Variants in HSPG2 observed in about 807,000 individuals in gnomAD.
The protein encoded by HSPG2 is basement membrane-specific heparan sulfate proteoglycan core protein.
HSPG2 carries 278 observed loss-of-function variants against 526.6 expected under a neutral mutation model. That is an observed-to-expected ratio of 0.53 (90% CI 0.48 to 0.58). HSPG2 has a LOEUF of 0.58. HSPG2 is among the 20% of genes least tolerant of loss of function. HSPG2 has a pLI of 0.00. For synonymous variants in HSPG2, 2,465 were observed against 2,555.4 expected, an observed-to-expected ratio of 0.96 and a Z score of 1.07; for missense variants, 5,354 against 6,099.5, an observed-to-expected ratio of 0.88 and a Z score of 4.07.
Position 21,865,177 on chromosome 1 carries a change from C to T in HSPG2, c.4396-104G>A. 6.6e-7 allele frequency: 1 copy of T among 1,514,914 alleles called. No individual in the cohort carries two copies. The highest frequency in any genetic ancestry group is 9.2e-7 in the Non-Finnish European group (1 of 1,090,452). 93.8% of individuals were successfully genotyped at this position (1,514,914 alleles called of 1,614,324 possible). ...CCTTACAGGCACTGACTGAGGGCTG[C>T]CAGGTGAAGGTTGGGGAGCGAGAGA... On this transcript the variant is annotated intron_variant, in intron 35 of 96. Transcript: ENST00000374695. The surrounding 1 kb of genome is among the most constrained non-coding windows in gnomAD (Gnocchi z 5.4).
Position 21,874,387 on chromosome 1 carries a change from AGGCAG to A in HSPG2, c.3656+14_3656+18del, listed in dbSNP as rs770897703. ...AGACATTTCAGGGAAGGGCAGGTGC[AGGCAG>A]GGACTGGACGCACTGGCCGGCAGCA... is the stretch of plus-strand genomic sequence containing the variant. On this transcript the variant is annotated intron_variant, in intron 28 of 96. Transcript: ENST00000374695. 1 of 1,611,044 alleles carries A rather than the reference AGGCAG, an allele frequency of 6.2e-7. No homozygotes were observed. Among genetic ancestry groups the A allele is most frequent in the Non-Finnish European group, 8.5e-7 (1 of 1,179,464 alleles).
chr1:21,934,403 C>T (rs181026029), intron 1 of HSPG2, among the ~76,000 whole-genome samples: 1 of 152,326 alleles, frequency 6.6e-6, no homozygotes, highest in East Asian at 1.9e-4. Context: ...AACTAAGGCT[C>T]AGAGAGAGGA....
chr1:21,833,634 G>A lies in HSPG2; in HGVS notation c.10831-20C>T, dbSNP rs1354245643. 1.2e-6 allele frequency: 2 copies of A among 1,613,918 alleles called. No individual in the cohort carries two copies. Among genetic ancestry groups the A allele is most frequent in the East Asian group, 2.2e-5 (1 of 44,890 alleles). Reference sequence around the variant, plus strand: ...ATCCAGCTGCAAATGCACTAGCACTGAGGGCCCTGGCCTTGGCCCACGGCT... The same window carrying A: ...ATCCAGCTGCAAATGCACTAGCACTAAGGGCCCTGGCCTTGGCCCACGGCT... On this transcript the variant is annotated intron_variant, in intron 78 of 96. Transcript: ENST00000374695.
At chr1:21,929,394 A>G (rs1194508875) in intron 1 of HSPG2, among the ~76,000 whole-genome samples, 1 of 150,014 alleles carries the variant, frequency 6.7e-6, no homozygotes, top group Non-Finnish European at 1.5e-5. Flanking sequence ...CCCCTCCATC[A>G]CTTGCCATTC....
rs961743934 is a variant in HSPG2 at position 21,937,269 on chromosome 1, CGCCGCCCGCA to C, written c.-62_-53del. ...CGCTCGCTCCGCGCCGCCCGCTCCG[CGCCGCCCGCA>C]GCCGCCCGCTCGCCGGCCAGCTCGG... On this transcript the variant is annotated 5_prime_UTR_variant, in exon 1 of 97. Transcript: ENST00000374695. The C allele has an allele frequency of 2.1e-5, 15 of 720,506 alleles. No individual in the cohort carries two copies. The African/African-American group carries it at 2.2e-4, about 10-fold the overall frequency. 44.6% of individuals were successfully genotyped at this position (720,506 alleles called of 1,614,324 possible).
chr1:21,882,948 A>G (rs1386280998), intron 13 of HSPG2, among the ~76,000 whole-genome samples: 1 of 151,962 alleles, frequency 6.6e-6, no homozygotes, highest in Non-Finnish European at 1.5e-5. Context: ...AGGTTACTCA[A>G]TCCTCTTTCC....
rs1638614766 is a variant in HSPG2 at position 21,848,310 on chromosome 1, G to A, written c.7738-217C>T. ...TCCAGAAAGCCTGTTAAGGCCCTCC[G>A]GAGTGTTGACACAGTATCCTGCTGG... is the stretch of plus-strand genomic sequence containing the variant. On this transcript the variant is annotated intron_variant, in intron 59 of 96. Transcript: ENST00000374695. This position sits in a 1 kb window ranked among gnomAD's most constrained non-coding sequence, Gnocchi z 4.9. 1.3e-5 allele frequency among the ~76,000 whole-genome samples: 2 copies of A among 152,256 alleles called. No individual in the cohort carries two copies. The highest frequency in any genetic ancestry group is 3.4e-3 in the Middle Eastern group (1 of 294).
Position 21,890,759 on chromosome 1 carries a change from G to T in HSPG2, c.245-65C>A. 1 of 1,221,672 alleles carries T rather than the reference G, an allele frequency of 8.2e-7. No homozygotes were observed. The highest frequency in any genetic ancestry group is 1.2e-6 in the Non-Finnish European group (1 of 835,378). The allele number at this position is 1,221,672 out of a possible 1,614,324, so 75.7% of individuals were successfully genotyped here. A position where few individuals can be genotyped will look rare whatever the true frequency, so the allele number is the denominator to read the frequency against. On this transcript the variant is annotated intron_variant, in intron 3 of 96. Transcript: ENST00000374695. The surrounding 1 kb of genome is among the most constrained non-coding windows in gnomAD (Gnocchi z 4.1). ...TGGCATCTAGTGGCCTTAGGCAGTT[G>T]GACCATTCAGGCAGAGTTGGGGGGA...
chr1:21,934,945 C>T (rs1325156765), intron 1 of HSPG2, among the ~76,000 whole-genome samples: 1 of 148,928 alleles, frequency 6.7e-6, no homozygotes, highest in South Asian at 2.1e-4. Context: ...CTCACTCTGT[C>T]ACCCAGGCTG....
At chr1:21,855,139 G>A (rs1324186692) in intron 47 of HSPG2, among the ~76,000 whole-genome samples, 156 bp from the exon 48 acceptor site, 1 of 152,138 alleles carries the variant, frequency 6.6e-6, no homozygotes, top group South Asian at 2.1e-4. Context: ...CCAAGAGGAC[G>A]GCAGGGGCTC....
intron 90 of HSPG2, 34 bp downstream of exon 90, chr1:21,827,996 A>G: frequency 6.2e-7 from 1 of 1,613,312 alleles, no homozygotes; most frequent in Non-Finnish European, 8.5e-7. Context: ...GCCCCAAGAC[A>G]GAGATGAAGT....
chr1:21,836,808 AC>A lies in HSPG2; in HGVS notation c.10348del (p.Val3450CysfsTer71). The A allele has an allele frequency of 1.3e-6, 2 of 1,561,722 alleles. No individual in the cohort carries two copies. Among genetic ancestry groups the A allele is most frequent in the Non-Finnish European group, 8.6e-7 (1 of 1,157,362 alleles). On this transcript the variant is annotated frameshift_variant, in exon 75 of 97. Transcript: ENST00000374695. LOFTEE classifies it high-confidence loss of function. ...TGCCCCCGGCCCCACTCACCGGAGC[AC>A]CCCATCCTGCACGCTGTGACCCGGA... Reference protein sequence around the residue: ...LPPGHSVQDGVLRIQNLDQSC... With the variant: ...LPPGHSVQDGXLRIQNLDQSC...
rs763503418 is a variant in HSPG2, at chr1:21,833,884, C to A, written c.10762G>T (p.Ala3588Ser). 4 of 1,601,302 alleles carry A rather than the reference C, an allele frequency of 2.5e-6. No individual in the cohort carries two copies. The South Asian group carries it at 4.5e-5, about 18-fold the overall frequency. The part of the protein sequence containing the change: ...ISMPQEVRVP[A>S]GSAAVFPCIA... The stretch of plus-strand genomic sequence containing the variant: ...CAGGGGAAGACAGCTGCAGAACCAG[C>A]AGGCACACGGACTTCTTGGGGCATT... Residue 3588 changes from alanine to serine, a missense_variant, in exon 78 of 97, where the codon GCT (alanine) becomes TCT (serine). By Grantham distance (99) the Ala-to-Ser change is moderately conservative. Coordinates refer to ENST00000374695, the MANE Select transcript of HSPG2 (RefSeq NM_005529.7).
In HSPG2 at chr1:21,836,956, T is replaced by C; in HGVS notation, c.10201A>G (p.Thr3401Ala). The change falls in exon 75 of 97, where the codon ACC becomes GCC. Residue 3401 changes from threonine to alanine, a missense_variant. Thr to Ala is a moderately conservative substitution (Grantham distance 58). Coordinates refer to ENST00000374695, the MANE Select transcript of HSPG2 (RefSeq NM_005529.7). ...ATSIPAGSTP[T>A]VQVTPQLETK... is the part of the protein sequence containing the mutation. ...TCTAGCTGAGGCGTGACCTGCACGG[T>C]GGGCGTGGACCCTGCTGGGATGGAG... is the stretch of plus-strand genomic sequence containing the variant. 1 of 1,555,418 alleles carries C rather than the reference T, an allele frequency of 6.4e-7. No homozygotes were observed. The highest frequency in any genetic ancestry group is 8.7e-7 in the Non-Finnish European group (1 of 1,149,392).
At chr1:21,936,011 G>A (rs78570036) in intron 1 of HSPG2, among the ~76,000 whole-genome samples, 13,767 of 152,096 alleles carry the variant, frequency 0.091, 738 homozygotes, top group Non-Finnish European at 0.11. Context: ...GGAAGGTGAG[G>A]CCAGGCAGGC....
intron 78 of HSPG2, 31 bp downstream of exon 78, chr1:21,833,785 C>T: frequency 6.5e-7 from 1 of 1,541,452 alleles, no homozygotes; most frequent in Non-Finnish European, 8.8e-7. Context: ...GCCCCCAAGT[C>T]ATGCCCGCTG....
At position 21,848,474 on chromosome 1, in the gene HSPG2, G is replaced by C. The variant is rs556137682; in HGVS notation, c.7737+169C>G. Among the ~76,000 whole-genome samples, 1 of 152,172 alleles carries C rather than the reference G, an allele frequency of 6.6e-6. No homozygotes were observed. Among genetic ancestry groups the C allele is most frequent in the African/African-American group, 2.4e-5 (1 of 41,520 alleles). Reference sequence around the variant, plus strand: ...CAGAAGTGGATCTCCCTGAGGTCAGGGAGCCTTATTTCTGTATTCTCAGCA... The same window carrying C: ...CAGAAGTGGATCTCCCTGAGGTCAGCGAGCCTTATTTCTGTATTCTCAGCA... On this transcript the variant is annotated intron_variant, in intron 59 of 96. Coordinates refer to ENST00000374695, the MANE Select transcript of HSPG2 (RefSeq NM_005529.7). This position sits in a 1 kb window ranked among gnomAD's most constrained non-coding sequence, Gnocchi z 4.9.
chr1:21,833,709 G>T, intron 78 of HSPG2, 95 bp from the exon 79 acceptor site: 1 of 1,582,028 alleles, frequency 6.3e-7, no homozygotes. Flanking sequence ...CCAACATTGA[G>T]CGTTTGCTCT....
At chr1:21,843,842 G>C (rs1011403829) in intron 65 of HSPG2, among the ~76,000 whole-genome samples, 1 of 152,096 alleles carries the variant, frequency 6.6e-6, no homozygotes, top group Non-Finnish European at 1.5e-5. Flanking sequence ...CGCCATGTTG[G>C]CCGGGCTGGC....
Sources: gnomAD v4.1 joint callset for allele counts (sites outside exome capture counted in the v4.1 genomes callset) on GRCh38, gnomAD v4.1.1 for gene constraint, Gnocchi (gnomAD v3.1) non-coding constraint, MANE v1.5 for transcripts, NCBI Gene and HGNC (gene_info 2026-07-23, HGNC 2026-07-21) for gene names.